PRKN: variants seen among roughly 807,000 people sequenced by gnomAD.
PRKN encodes the protein E3 ubiquitin-protein ligase parkin.
Under a neutral mutation model 59.5 loss-of-function variants are expected in PRKN, and 56 were observed. That is an observed-to-expected ratio of 0.94 (90% CI 0.76 to 1.18). The LOEUF (loss-of-function observed/expected upper bound fraction) is 1.18. PRKN is among the 50% of genes most tolerant of loss of function. PRKN has a pLI of 0.00. For synonymous variants in PRKN, 250 were observed against 222.1 expected, an observed-to-expected ratio of 1.13 and a Z score of -1.12; for missense variants, 657 against 596.4, an observed-to-expected ratio of 1.10 and a Z score of -1.06.
intron 3 of PRKN, among the ~76,000 whole-genome samples, chr6:162,251,122 C>A (rs2128095933): frequency 6.6e-6 from 1 of 152,150 alleles, no homozygotes; most frequent in Non-Finnish European, 1.5e-5. Flanking sequence ...TGTCCCAGGC[C>A]TAAAATCTTC....
intron 6 of PRKN, among the ~76,000 whole-genome samples, chr6:161,860,823 A>G (rs961297127): frequency 6.6e-6 from 1 of 152,210 alleles, no homozygotes; most frequent in African/African-American, 2.4e-5. Context: ...ACAAACGTAT[A>G]AACAAAAGCT....
At chr6:161,787,352 C>A (rs1018812390) in intron 6 of PRKN, among the ~76,000 whole-genome samples, 2 of 152,150 alleles carry the variant, frequency 1.3e-5, no homozygotes, top group African/African-American at 4.8e-5. Context: ...CCTAAAGGTG[C>A]GGCTTCTCCT....
At chr6:162,437,233 T>G (rs572780059) in intron 2 of PRKN, among the ~76,000 whole-genome samples, 1 of 152,302 alleles carries the variant, frequency 6.6e-6, no homozygotes, top group South Asian at 2.1e-4. Flanking sequence ...TCTCATTTCT[T>G]ATGTTAAATA....
chr6:161,824,849 T>C (rs1381887316), intron 6 of PRKN, among the ~76,000 whole-genome samples: 1 of 152,240 alleles, frequency 6.6e-6, no homozygotes, highest in African/African-American at 2.4e-5. Flanking sequence ...CATTTCATAA[T>C]ATGCCAACAC....
intron 4 of PRKN, among the ~76,000 whole-genome samples, chr6:162,121,097 C>T (rs1351309125): frequency 6.6e-6 from 1 of 152,084 alleles, no homozygotes; most frequent in Non-Finnish European, 1.5e-5. Flanking sequence ...TTTGCTTGGT[C>T]GGGTCCACAT....
At chr6:161,770,555 C>A (rs1789623467) in intron 7 of PRKN, among the ~76,000 whole-genome samples, 1 of 152,120 alleles carries the variant, frequency 6.6e-6, no homozygotes, top group African/African-American at 2.4e-5. Flanking sequence ...GTAACCTCCG[C>A]TTCCCAGGTG....
chr6:161,893,149 T>C (rs1203560110), intron 6 of PRKN, among the ~76,000 whole-genome samples: 14 of 152,214 alleles, frequency 9.2e-5, no homozygotes. Context: ...CCCATCAATA[T>C]TTTGTTTTAA....
At chr6:162,308,605 G>T (rs1325613815) in intron 2 of PRKN, among the ~76,000 whole-genome samples, 2 of 152,048 alleles carry the variant, frequency 1.3e-5, no homozygotes, top group Non-Finnish European at 2.9e-5. Flanking sequence ...CTATCCTATT[G>T]CATACCTCCC....
chr6:162,280,550 G>A (rs1409796705), intron 2 of PRKN, among the ~76,000 whole-genome samples: 4 of 152,090 alleles, frequency 2.6e-5, no homozygotes, highest in African/African-American at 9.7e-5. Flanking sequence ...CAGCACTTTG[G>A]AAGGTTGAGG....
intron 11 of PRKN, among the ~76,000 whole-genome samples, chr6:161,358,788 CTTTTTT>C (rs34428983): frequency 1.5e-5 from 1 of 67,820 alleles, no homozygotes; most frequent in African/African-American, 6.6e-5. Flanking sequence ...GCCTTCTGCT[CTTTTTT>C]TTTTTTTTTT....
intron 9 of PRKN, among the ~76,000 whole-genome samples, chr6:161,474,993 C>T (rs1304371660): frequency 5.3e-5 from 8 of 151,792 alleles, no homozygotes; most frequent in African/African-American, 1.2e-4. Context: ...CAACCTCCGC[C>T]TCCTGGGTTC....
In PRKN at chr6:162,566,580, A is replaced by G. The variant is rs908955583; in HGVS notation, c.8-123107T>C. On this transcript the variant is annotated intron_variant, in intron 1 of 11. Coordinates refer to ENST00000366898, the MANE Select transcript of PRKN (RefSeq NM_004562.3). ...ACATACAACCTACCATTATTGAACC[A>G]GGCAAAAAAATCCAAAACCCAAACA... is the stretch of plus-strand genomic sequence containing the variant. Among the ~76,000 whole-genome samples, 10 of 152,294 alleles carry G rather than the reference A, an allele frequency of 6.6e-5. No homozygotes were observed. In the South Asian group the frequency reaches 1.2e-3, roughly 19 times the overall value.
chr6:161,979,700 T>C (rs1781188585), intron 5 of PRKN, among the ~76,000 whole-genome samples: 1 of 152,202 alleles, frequency 6.6e-6, no homozygotes, highest in Non-Finnish European at 1.5e-5. Flanking sequence ...TCCATTCTTC[T>C]CTTTCATCAT....
intron 2 of PRKN, among the ~76,000 whole-genome samples, chr6:162,380,959 T>C (rs1162961119): frequency 6.6e-6 from 1 of 152,090 alleles, no homozygotes. Context: ...GCGACCAGAG[T>C]GGCCGCCGTG....
intron 3 of PRKN, among the ~76,000 whole-genome samples, chr6:162,242,837 C>T (rs924571908): frequency 6.6e-6 from 1 of 152,012 alleles, no homozygotes; most frequent in Non-Finnish European, 1.5e-5. Context: ...ACCTTATTAC[C>T]GTAGAAAACT....
At chr6:162,262,856 G>A (rs1282347305) in intron 2 of PRKN, 91 bp from the exon 3 acceptor site, 2 of 1,525,048 alleles carry the variant, frequency 1.3e-6, no homozygotes, top group Non-Finnish European at 1.8e-6. Flanking sequence ...CTCCGTGGTA[G>A]AAGGGAAGCA....
intron 2 of PRKN, among the ~76,000 whole-genome samples, chr6:162,322,316 T>C (rs1783066278): frequency 6.6e-6 from 1 of 152,032 alleles, no homozygotes; most frequent in Non-Finnish European, 1.5e-5. Flanking sequence ...CCTAAATAAA[T>C]GGAGCAGTAT....
At chr6:162,500,240 C>G (rs1338903708) in intron 1 of PRKN, among the ~76,000 whole-genome samples, 2 of 149,254 alleles carry the variant, frequency 1.3e-5, no homozygotes, top group African/African-American at 4.9e-5. Flanking sequence ...TGCATGATAT[C>G]GGCTCACTGC....
At chr6:162,460,501 T>C (rs1278774671) in intron 1 of PRKN, among the ~76,000 whole-genome samples, 1 of 152,220 alleles carries the variant, frequency 6.6e-6, no homozygotes, top group Non-Finnish European at 1.5e-5. Context: ...AGAATTTAAA[T>C]GGGTGAATTT....
Sources: gnomAD v4.1 joint callset for allele counts (sites outside exome capture counted in the v4.1 genomes callset) on GRCh38, gnomAD v4.1.1 for gene constraint, MANE v1.5 for transcripts, NCBI Gene and HGNC (gene_info 2026-07-23, HGNC 2026-07-21) for gene names.